Variants in FBN1 observed in about 807,000 individuals in gnomAD.
FBN1 encodes the protein fibrillin-1.
FBN1 carries 29 observed loss-of-function variants against 365.1 expected under a neutral mutation model. The observed-to-expected ratio is 0.08, with a 90% CI of 0.06 to 0.11. The LOEUF (loss-of-function observed/expected upper bound fraction) is 0.11. FBN1 is among the 10% of genes least tolerant of loss of function. The pLI is 1.00. For synonymous variants in FBN1, 1,210 were observed against 1,270.5 expected (o/e 0.95, Z 1.01); for missense variants, 2,476 against 3,703.2 (o/e 0.67, Z 8.60).
At chr15:48,415,081 A>AT (rs1371123988) in intron 64 of FBN1, among the ~76,000 whole-genome samples, 2 of 152,140 alleles carry the variant, frequency 1.3e-5, no homozygotes, top group Non-Finnish European at 1.5e-5. Context: ...ACCCTAAATA[A>AT]TTTTCAACCC....
At chr15:48,434,404 A>G (rs2043048061) in intron 54 of FBN1, among the ~76,000 whole-genome samples, 190 bp downstream of exon 54, 1 of 152,002 alleles carries the variant, frequency 6.6e-6, no homozygotes, top group Non-Finnish European at 1.5e-5. Flanking sequence ...ACACAACTGT[A>G]TCATTCTTGG....
At chr15:48,582,500 A>G (rs1157924278) in intron 6 of FBN1, among the ~76,000 whole-genome samples, 2 of 152,226 alleles carry the variant, frequency 1.3e-5, no homozygotes, top group East Asian at 1.9e-4. Flanking sequence ...AAAAAATGAC[A>G]TGACCAAACA....
chr15:48,425,071 A>T (rs531960878), intron 60 of FBN1, among the ~76,000 whole-genome samples: 1 of 152,244 alleles, frequency 6.6e-6, no homozygotes, highest in African/African-American at 2.4e-5. Flanking sequence ...TCACCAATTA[A>T]GAATCTGCCC....
intron 47 of FBN1, among the ~76,000 whole-genome samples, chr15:48,446,304 T>C (rs1372901795): frequency 6.6e-6 from 1 of 152,090 alleles, no homozygotes; most frequent in African/African-American, 2.4e-5. Context: ...AGAGAGACAG[T>C]GCACAAGAAA....
intron 7 of FBN1, among the ~76,000 whole-genome samples, chr15:48,536,085 A>G (rs955340561): frequency 6.6e-6 from 1 of 152,142 alleles, no homozygotes; most frequent in African/African-American, 2.4e-5. Flanking sequence ...AAGGAGCAAG[A>G]GCCACAACCT....
intron 9 of FBN1, among the ~76,000 whole-genome samples, chr15:48,524,869 T>C (rs1421051006): frequency 6.6e-6 from 1 of 152,170 alleles, no homozygotes; most frequent in Non-Finnish European, 1.5e-5. Flanking sequence ...CTTCCATTCC[T>C]CCTTTGTAAA....
At chr15:48,494,316 G>T in intron 22 of FBN1, 62 bp from the exon 23 acceptor site, 1 of 1,286,278 alleles carries the variant, frequency 7.8e-7, no homozygotes. Flanking sequence ...TCCAGACTTT[G>T]CAGTTCTGAC....
In FBN1 at chr15:48,509,746, A is replaced by T. The variant is rs2043742969; in HGVS notation, c.1714+298T>A. ...ACAGACTTAGGTGTGTCCTATTTTT[A>T]AAAAATGTACAAATTCTGATTGTAA... On this transcript the variant is annotated intron_variant, in intron 14 of 65. Coordinates refer to ENST00000316623, the MANE Select transcript of FBN1 (RefSeq NM_000138.5). Among the ~76,000 whole-genome samples, 3 of 151,980 alleles carry T rather than the reference A, an allele frequency of 2.0e-5. No individual in the cohort carries two copies. The South Asian group carries it at 6.2e-4, about 31-fold the overall frequency.
At position 48,432,859 on chromosome 15, in the gene FBN1, G is replaced by T; in HGVS notation, c.6739+7C>A. The T allele has an allele frequency of 6.2e-7, 1 of 1,613,292 alleles. No homozygotes were observed. Among genetic ancestry groups the T allele is most frequent in the South Asian group, 1.1e-5 (1 of 91,040 alleles). ...TGGCTTAGATGACCTTGAACACGAT[G>T]ACTCACCTTTGCACATCCTACGGTC... On this transcript the variant is annotated splice_region_variant and intron_variant, in intron 55 of 65. Coordinates refer to ENST00000316623, the MANE Select transcript of FBN1 (RefSeq NM_000138.5).
intron 6 of FBN1, among the ~76,000 whole-genome samples, chr15:48,568,084 G>GAAAGAAAGA (rs1447250769): frequency 4.5e-4 from 59 of 130,730 alleles, no homozygotes; most frequent in African/African-American, 1.6e-3. Flanking sequence ...AAGAAAGAAA[G>GAAAGAAAGA]ACTATCTTTA....
intron 32 of FBN1, among the ~76,000 whole-genome samples, chr15:48,477,930 A>C (rs909550823): frequency 6.6e-6 from 1 of 152,198 alleles, no homozygotes; most frequent in Admixed American, 6.5e-5. Flanking sequence ...GACCCTGCTC[A>C]CAGGCTCTGG....
intron 22 of FBN1, among the ~76,000 whole-genome samples, 173 bp from the exon 23 acceptor site, chr15:48,494,427 G>A (rs989223461): frequency 3.3e-5 from 5 of 152,156 alleles, no homozygotes; most frequent in Admixed American, 6.5e-5. Context: ...AGGTGAGGAA[G>A]AACAGTAATG....
intron 9 of FBN1, among the ~76,000 whole-genome samples, chr15:48,523,393 C>T (rs1347622556): frequency 2.6e-5 from 4 of 152,162 alleles, no homozygotes; most frequent in African/African-American, 9.7e-5. Flanking sequence ...ATCAATGGAT[C>T]ACAAACTCTT....
intron 9 of FBN1, among the ~76,000 whole-genome samples, chr15:48,523,017 G>A (rs954339579): frequency 7.2e-5 from 11 of 152,162 alleles, no homozygotes; most frequent in Admixed American, 3.3e-4. Flanking sequence ...TACCTCCCCC[G>A]TCAAGAGGGC....
chr15:48,598,520 A>G (rs1256902137), intron 5 of FBN1, among the ~76,000 whole-genome samples: 2 of 152,088 alleles, frequency 1.3e-5, no homozygotes, highest in African/African-American at 4.8e-5. Flanking sequence ...ATCCTATCTG[A>G]CCTTACTTCC....
intron 42 of FBN1, among the ~76,000 whole-genome samples, chr15:48,461,947 G>C (rs1026084413): frequency 2.0e-5 from 3 of 152,272 alleles, no homozygotes; most frequent in African/African-American, 4.8e-5. Context: ...TTCAAAAGTA[G>C]ATGGTGGGAC....
At chr15:48,565,524 C>T (rs1471494984) in intron 6 of FBN1, among the ~76,000 whole-genome samples, 1 of 151,496 alleles carries the variant, frequency 6.6e-6, no homozygotes, top group Non-Finnish European at 1.5e-5. Flanking sequence ...AAGCTGACCC[C>T]ATTATTACTA....
chr15:48,462,857 T>C (rs1425722825), intron 42 of FBN1, among the ~76,000 whole-genome samples: 2 of 152,210 alleles, frequency 1.3e-5, no homozygotes, highest in African/African-American at 2.4e-5. Context: ...ATGCTGAGTC[T>C]ACAAGTCTGG....
intron 7 of FBN1, 45 bp from the exon 8 acceptor site, chr15:48,534,250 G>GA: frequency 6.4e-7 from 1 of 1,571,036 alleles, no homozygotes. Context: ...AAACTCATAT[G>GA]AAATTCATTG....
Sources: gnomAD v4.1 joint callset for allele counts (sites outside exome capture counted in the v4.1 genomes callset) on GRCh38, gnomAD v4.1.1 for gene constraint, MANE v1.5 for transcripts, NCBI Gene and HGNC (gene_info 2026-07-23, HGNC 2026-07-21) for gene names.